DACH1: variants seen among roughly 807,000 people sequenced by gnomAD.
DACH1 encodes dachshund homolog 1.
In DACH1, 12 loss-of-function variants were observed where a neutral mutation model predicts 54.2. The ratio of observed to expected loss-of-function variants is 0.22; its 90% CI spans 0.14 to 0.36. DACH1 has a LOEUF of 0.36. Ranked by LOEUF, DACH1 falls within the 10% of genes least tolerant of loss-of-function variation. DACH1 has a pLI of 1.00. For missense variants in DACH1, 805 were observed against 929.8 expected (o/e 0.87, Z 1.75); for synonymous variants, 386 against 366.2 (o/e 1.05, Z -0.62).
chr13:71,726,892 A>G (rs1005786483), intron 1 of DACH1, among the ~76,000 whole-genome samples: 4 of 152,058 alleles, frequency 2.6e-5, no homozygotes, highest in African/African-American at 7.2e-5. Flanking sequence ...ATATGATATC[A>G]GAGACCAACA....
At chr13:71,838,297 A>G (rs1226802254) in intron 1 of DACH1, among the ~76,000 whole-genome samples, 2 of 152,204 alleles carry the variant, frequency 1.3e-5, no homozygotes, top group Admixed American at 1.3e-4. Flanking sequence ...AACGAATTTC[A>G]TAAATGGAGA....
intron 3 of DACH1, among the ~76,000 whole-genome samples, chr13:71,598,756 T>C (rs1025271395): frequency 5.9e-5 from 9 of 152,200 alleles, no homozygotes; most frequent in African/African-American, 2.2e-4. Flanking sequence ...CTATCATTTA[T>C]CACATATTCA....
At position 71,769,244 on chromosome 13, in the gene DACH1, T is replaced by C. The variant is rs548850167; in HGVS notation, c.849-87334A>G. On this transcript the variant is annotated intron_variant, in intron 1 of 10. Coordinates refer to ENST00000613252, the MANE Select transcript of DACH1 (RefSeq NM_080759.6). ...TCATATTTAAAGCTACAAATGCCTT[T>C]ATAATTTTTTTTTCTTAACCACATT... Among the ~76,000 whole-genome samples, 28 of 151,882 alleles carry C rather than the reference T, an allele frequency of 1.8e-4. No individual in the cohort carries two copies. The South Asian group carries it at 5.6e-3, about 30-fold the overall frequency.
At chr13:71,750,879 T>C (rs1363813246) in intron 1 of DACH1, among the ~76,000 whole-genome samples, 4 of 152,256 alleles carry the variant, frequency 2.6e-5, no homozygotes, top group South Asian at 4.2e-4. Context: ...TTGTCCAAGT[T>C]AAACCAGAAA....
chr13:71,841,283 AT>A (rs1250390922), intron 1 of DACH1, among the ~76,000 whole-genome samples: 1 of 152,196 alleles, frequency 6.6e-6, no homozygotes, highest in African/African-American at 2.4e-5. Flanking sequence ...ACTTTAAAAA[AT>A]AATTATGTCT....
chr13:71,460,954 T>C (rs1876016450), intron 10 of DACH1, among the ~76,000 whole-genome samples: 1 of 152,044 alleles, frequency 6.6e-6, no homozygotes, highest in Non-Finnish European at 1.5e-5. Flanking sequence ...ATTTTTCTCT[T>C]ATCTATTACA....
At chr13:71,825,283 A>G (rs569781053) in intron 1 of DACH1, among the ~76,000 whole-genome samples, 3 of 152,238 alleles carry the variant, frequency 2.0e-5, no homozygotes, top group African/African-American at 7.2e-5. Context: ...TATCCAAGCT[A>G]TTTAATATAC....
chr13:71,673,433 A>G (rs1880326402), intron 2 of DACH1, among the ~76,000 whole-genome samples: 3 of 152,112 alleles, frequency 2.0e-5, no homozygotes, highest in Admixed American at 2.0e-4. Flanking sequence ...TATTTTATTT[A>G]TATGTATTAA....
At chr13:71,830,798 A>C (rs577159222) in intron 1 of DACH1, among the ~76,000 whole-genome samples, 55 of 151,954 alleles carry the variant, frequency 3.6e-4, no homozygotes, top group Non-Finnish European at 7.4e-4. Flanking sequence ...CATCTTATTT[A>C]CTTTTGGATT....
At chr13:71,577,610 C>G (rs1885612980) in intron 3 of DACH1, among the ~76,000 whole-genome samples, 1 of 152,016 alleles carries the variant, frequency 6.6e-6, no homozygotes, top group Non-Finnish European at 1.5e-5. Flanking sequence ...ACCTTTTGTT[C>G]TTGTTGGAGA....
chr13:71,601,541 C>G (rs937530377), intron 3 of DACH1, among the ~76,000 whole-genome samples: 1 of 151,864 alleles, frequency 6.6e-6, no homozygotes, highest in Non-Finnish European at 1.5e-5. Context: ...GAATACATTT[C>G]TGTATTCTTA....
At chr13:71,441,750 A>G (rs1874024488) in intron 10 of DACH1, among the ~76,000 whole-genome samples, 1 of 152,100 alleles carries the variant, frequency 6.6e-6, no homozygotes, top group Admixed American at 6.6e-5. Context: ...CTACTTTTAT[A>G]CAATCTATAG....
At chr13:71,821,379 A>C (rs1224807429) in intron 1 of DACH1, among the ~76,000 whole-genome samples, 1 of 147,586 alleles carries the variant, frequency 6.8e-6, no homozygotes, top group Non-Finnish European at 1.5e-5. Flanking sequence ...AATTGGGTGG[A>C]GTGCACGATC....
chr13:71,609,676 C>T (rs1875161985), intron 3 of DACH1, among the ~76,000 whole-genome samples: 1 of 151,962 alleles, frequency 6.6e-6, no homozygotes, highest in Non-Finnish European at 1.5e-5. Flanking sequence ...CACGTGCTCA[C>T]CAACACGCCC....
chr13:71,677,848 T>A (rs1368850482), intron 2 of DACH1, among the ~76,000 whole-genome samples: 1 of 152,022 alleles, frequency 6.6e-6, no homozygotes, highest in African/African-American at 2.4e-5. Flanking sequence ...GCATCCCAAA[T>A]ACTTGGGATT....
chr13:71,791,339 A>G (rs1042017850), intron 1 of DACH1, among the ~76,000 whole-genome samples: 1 of 152,128 alleles, frequency 6.6e-6, no homozygotes, highest in East Asian at 1.9e-4. Flanking sequence ...TATTTTTAAA[A>G]TAAGAGGGTG....
At chr13:71,456,707 C>A (rs915715692) in intron 10 of DACH1, among the ~76,000 whole-genome samples, 5 of 152,060 alleles carry the variant, frequency 3.3e-5, no homozygotes, top group African/African-American at 9.7e-5. Flanking sequence ...ACTTCAATTT[C>A]ATTTCTTCTC....
At chr13:71,584,631 A>G (rs765615573) in intron 3 of DACH1, among the ~76,000 whole-genome samples, 1 of 152,098 alleles carries the variant, frequency 6.6e-6, no homozygotes, top group Non-Finnish European at 1.5e-5. Flanking sequence ...TGAACTATTG[A>G]AACAGTTCTC....
intron 1 of DACH1, among the ~76,000 whole-genome samples, chr13:71,722,534 A>C (rs1883275360): frequency 6.6e-6 from 1 of 152,126 alleles, no homozygotes; most frequent in Admixed American, 6.5e-5. Flanking sequence ...ATACTTGAAA[A>C]CTATCATCAT....
Sources: allele counts gnomAD v4.1 joint callset (sites outside exome capture counted in the v4.1 genomes callset), GRCh38; gene constraint gnomAD v4.1.1; transcripts MANE v1.5; gene names NCBI Gene and HGNC (gene_info 2026-07-23, HGNC 2026-07-21).